The following PRDM16 variants were observed in gnomAD, a reference collection of about 807,000 sequenced individuals.
PRDM16 encodes histone-lysine N-methyltransferase PRDM16.
A neutral mutation model predicts 110.6 loss-of-function variants in PRDM16; 23 were observed. That is an observed-to-expected ratio of 0.21 (90% CI 0.15 to 0.29). The LOEUF (loss-of-function observed/expected upper bound fraction) is 0.29, where lower values mean the gene tolerates loss of function less well. Among genes scored for constraint, PRDM16 ranks in the 10% least tolerant of loss-of-function variants. PRDM16 has a pLI of 1.00. For synonymous variants in PRDM16, 799 were observed against 781.8 expected, an observed-to-expected ratio of 1.02 and a Z score of -0.37; for missense variants, 1,615 against 1,794.3, an observed-to-expected ratio of 0.90 and a Z score of 1.81.
chr1:3,408,138 G>A (rs1045166750), intron 8 of PRDM16, among the ~76,000 whole-genome samples: 1 of 152,214 alleles, frequency 6.6e-6, no homozygotes, highest in Non-Finnish European at 1.5e-5. Context: ...TCAGTTGCTT[G>A]CAGGAGAGGT....
intron 1 of PRDM16, among the ~76,000 whole-genome samples, chr1:3,086,404 G>C (rs1230032581): frequency 2.0e-5 from 3 of 152,192 alleles, no homozygotes; most frequent in African/African-American, 7.2e-5. Flanking sequence ...GGTCAGGAAA[G>C]CTGCCACGGG....
Position 3,138,059 on chromosome 1 carries a change from G to A in PRDM16, c.38-48066G>A, listed in dbSNP as rs183534162. 3.3e-3 allele frequency among the ~76,000 whole-genome samples: 504 copies of A among 152,324 alleles called. 2 individuals carry two copies. The highest frequency in any genetic ancestry group is 0.016 in the Admixed American group (243 of 15,310). On this transcript the variant is annotated intron_variant, in intron 1 of 16. Coordinates refer to ENST00000270722, the MANE Select transcript of PRDM16 (RefSeq NM_022114.4). ...TGCTGGGAGTTGGAATCCCGTGTAAGTTCCCCCTGTGAAGGGCTCCAGCCT... is the reference window on the plus strand; with the variant it reads ...TGCTGGGAGTTGGAATCCCGTGTAAATTCCCCCTGTGAAGGGCTCCAGCCT...
intron 3 of PRDM16, among the ~76,000 whole-genome samples, chr1:3,293,249 C>G (rs1356378688): frequency 6.6e-6 from 1 of 152,204 alleles, no homozygotes; most frequent in Non-Finnish European, 1.5e-5. Context: ...TCAGTGAAGC[C>G]TACAGAAAGC....
In PRDM16 at chr1:3,272,535, C is replaced by T. The variant is rs188117031; in HGVS notation, c.438+28398C>T. 8.5e-5 allele frequency among the ~76,000 whole-genome samples: 13 copies of T among 152,308 alleles called. 1 individual carries two copies. The East Asian group carries it at 1.7e-3, about 20-fold the overall frequency. On this transcript the variant is annotated intron_variant, in intron 3 of 16. Transcript: ENST00000270722. ...TCGCACTGGGGGCTCGGGAAACACC[C>T]GCCTCCTGGGGCTCCATTCTCCAAA... is the stretch of plus-strand genomic sequence containing the variant.
intron 5 of PRDM16, among the ~76,000 whole-genome samples, chr1:3,402,055 G>A (rs1161643786): frequency 6.6e-6 from 1 of 152,240 alleles, no homozygotes; most frequent in Non-Finnish European, 1.5e-5. Flanking sequence ...ACACTTACGT[G>A]TGCATACACA....
chr1:3,348,368 G>T (rs1043692179), intron 3 of PRDM16, among the ~76,000 whole-genome samples: 1 of 152,224 alleles, frequency 6.6e-6, no homozygotes, highest in African/African-American at 2.4e-5. Flanking sequence ...GTTAGTATTC[G>T]TGTGCTAGGG....
At chr1:3,117,027 G>T (rs1642977619) in intron 1 of PRDM16, among the ~76,000 whole-genome samples, 1 of 152,236 alleles carries the variant, frequency 6.6e-6, no homozygotes, top group South Asian at 2.1e-4. Flanking sequence ...TGAAAGTGGG[G>T]TGACAGGTGG....
intron 1 of PRDM16, among the ~76,000 whole-genome samples, chr1:3,152,109 G>T (rs538219989): frequency 9.7e-4 from 148 of 152,322 alleles, no homozygotes; most frequent in African/African-American, 3.5e-3. Context: ...GACATAGGCT[G>T]AGCATGGACG....
intron 3 of PRDM16, among the ~76,000 whole-genome samples, chr1:3,256,362 TC>T (rs374036501): frequency 1.3e-5 from 2 of 152,260 alleles, no homozygotes; most frequent in African/African-American, 4.8e-5. Context: ...CATTCTACAT[TC>T]ATGCGTAACC....
At chr1:3,189,553 A>C (rs879731974) in intron 2 of PRDM16, among the ~76,000 whole-genome samples, 70 of 152,344 alleles carry the variant, frequency 4.6e-4, no homozygotes, top group African/African-American at 1.6e-3. Flanking sequence ...TCACTTTCAC[A>C]CTGGTAATTA....
At chr1:3,418,032 G>A (rs746080717) in intron 11 of PRDM16, 35 bp downstream of exon 11, 2 of 1,573,768 alleles carry the variant, frequency 1.3e-6, no homozygotes, top group South Asian at 2.3e-5. Flanking sequence ...GGACAGCCCT[G>A]GCGGGGCTCG....
At position 3,243,065 on chromosome 1, in the gene PRDM16, G is replaced by A. The variant is rs968975775; in HGVS notation, c.388-1022G>A. ...GAGACACCCGGCGAAATGCTCTCCA[G>A]AGCCAAAGAACGTTCCGGCTGGAGC... On this transcript the variant is annotated intron_variant, in intron 2 of 16. Coordinates refer to ENST00000270722, the MANE Select transcript of PRDM16 (RefSeq NM_022114.4). This position sits in a 1 kb window ranked among gnomAD's most constrained non-coding sequence, Gnocchi z 5.5. Among the ~76,000 whole-genome samples, 1 of 152,196 alleles carries A rather than the reference G, an allele frequency of 6.6e-6. No individual in the cohort carries two copies. The highest frequency in any genetic ancestry group is 2.4e-5 in the African/African-American group (1 of 41,456).
chr1:3,380,110 T>C, intron 3 of PRDM16, among the ~76,000 whole-genome samples: 1 of 135,540 alleles, frequency 7.4e-6, no homozygotes. Context: ...ACACATCCCC[T>C]CCCCGTGCAC....
chr1:3,430,435 G>A (rs1391674718), intron 14 of PRDM16, among the ~76,000 whole-genome samples: 2 of 152,126 alleles, frequency 1.3e-5, no homozygotes, highest in East Asian at 3.9e-4. Context: ...CCCGGCTCTC[G>A]GGCCAGTGCC....
In PRDM16 at chr1:3,433,806, C is replaced by G. The variant is rs767318547; in HGVS notation, c.3826C>G (p.Leu1276Val). 1 of 1,613,016 alleles carries G rather than the reference C, an allele frequency of 6.2e-7. No homozygotes were observed. The highest frequency in any genetic ancestry group is 1.1e-5 in the South Asian group (1 of 91,080). ...ESGAFHPINHL is the reference protein window; with the variant it reads ...ESGAFHPINHV ...TGGAGCATTTCACCCCATCAACCAC[C>G]TCTGACGGGCTGGGCAGCCGGGGGC... Residue 1276 changes from leucine (L) to valine (V), a missense_variant, in exon 17 of 17, where the codon CTC becomes GTC. Leu to Val is a conservative substitution (Grantham distance 32). This residue lies in a region of PRDM16 where 327 missense variants were observed against 359.3 expected (regional missense o/e 0.91). Transcript: ENST00000270722.
At chr1:3,092,652 A>C (rs961619192) in intron 1 of PRDM16, among the ~76,000 whole-genome samples, 6 of 152,146 alleles carry the variant, frequency 3.9e-5, no homozygotes, top group Non-Finnish European at 8.8e-5. Context: ...AGGGGTCTGC[A>C]CAACTTCGTG....
chr1:3,105,230 C>A (rs7528746), intron 1 of PRDM16, among the ~76,000 whole-genome samples: 2,256 of 152,312 alleles, frequency 0.015, 50 homozygotes, highest in African/African-American at 0.052. Context: ...GGAGGTACCA[C>A]TGTCCTGCCC....
chr1:3,364,899 G>A (rs912981383), intron 3 of PRDM16, among the ~76,000 whole-genome samples: 16 of 152,168 alleles, frequency 1.1e-4, no homozygotes, highest in African/African-American at 1.9e-4. Context: ...CCTGGCGAGC[G>A]CTGCCTTCTG....
rs1014693115 is a variant in PRDM16 at position 3,201,476 on chromosome 1, C to T, written c.387+15002C>T. ...GAGCTCCCACCGCAGGGCCCAGCCT[C>T]CTGCTCACTGGGATATTCCCTCATG... is the stretch of plus-strand genomic sequence containing the variant. On this transcript the variant is annotated intron_variant, in intron 2 of 16. Coordinates refer to ENST00000270722, the MANE Select transcript of PRDM16 (RefSeq NM_022114.4). This position sits in a 1 kb window ranked among gnomAD's most constrained non-coding sequence, Gnocchi z 4.1. Among the ~76,000 whole-genome samples, 15 of 152,170 alleles carry T rather than the reference C, an allele frequency of 9.9e-5. No homozygotes were observed. Among genetic ancestry groups the T allele is most frequent in the African/African-American group, 3.4e-4 (14 of 41,448 alleles).
Sources: gnomAD v4.1 joint callset for allele counts (sites outside exome capture counted in the v4.1 genomes callset) on GRCh38, gnomAD v4.1.1 for gene constraint, gnomAD v4.1.1 regional missense constraint, Gnocchi (gnomAD v3.1) non-coding constraint, MANE v1.5 for transcripts, NCBI Gene and HGNC (gene_info 2026-07-23, HGNC 2026-07-21) for gene names.